AMPH: variants seen among roughly 807,000 people sequenced by gnomAD.
The protein encoded by AMPH is amphiphysin.
Under a neutral mutation model 99.1 loss-of-function variants are expected in AMPH, and 49 were observed. That is an observed-to-expected ratio of 0.49 (90% CI 0.39 to 0.63). The LOEUF is 0.63. Ranked by LOEUF, AMPH falls within the 20% of genes least tolerant of loss-of-function variation. AMPH has a pLI of 0.00. For synonymous variants in AMPH, 314 were observed against 317.3 expected, an observed-to-expected ratio of 0.99 and a Z score of 0.11; for missense variants, 759 against 863.4, an observed-to-expected ratio of 0.88 and a Z score of 1.52.
intron 11 of AMPH, among the ~76,000 whole-genome samples, chr7:38,450,598 G>A (rs184802224): frequency 6.6e-6 from 1 of 152,254 alleles, no homozygotes; most frequent in Admixed American, 6.5e-5. Context: ...GGAACTCTAG[G>A]GCTCCTATCC....
Position 38,384,932 on chromosome 7 carries a change from A to C in AMPH, c.1981-7T>G. The C allele has an allele frequency of 6.2e-7, 1 of 1,612,644 alleles. No homozygotes were observed. The highest frequency in any genetic ancestry group is 8.5e-7 in the Non-Finnish European group (1 of 1,178,848). On this transcript the variant is annotated splice_polypyrimidine_tract_variant and splice_region_variant and intron_variant, in intron 20 of 20. Transcript: ENST00000356264. The stretch of plus-strand genomic sequence containing the variant: ...CCACCAGCCAGCCTGCATCCTGAAA[A>C]ACAATGACAGAACTTTCAGGGTCCA...
At chr7:38,483,791 A>C (rs769466937) in intron 5 of AMPH, among the ~76,000 whole-genome samples, 6 of 152,208 alleles carry the variant, frequency 3.9e-5, no homozygotes, top group Admixed American at 6.5e-5. Context: ...ACAAAGAAAC[A>C]AAATAAATTT....
In AMPH at chr7:38,475,428, A is replaced by C. The variant is rs374641952; in HGVS notation, c.505-12T>G. 1 of 1,594,330 alleles carries C rather than the reference A, an allele frequency of 6.3e-7. No individual in the cohort carries two copies. The highest frequency in any genetic ancestry group is 1.3e-5 in the African/African-American group (1 of 74,534). On this transcript the variant is annotated splice_polypyrimidine_tract_variant and intron_variant, in intron 6 of 20. Coordinates refer to ENST00000356264, the MANE Select transcript of AMPH (RefSeq NM_001635.4). ...AATTCTTCTTCTGCCTAGGAATGAA[A>C]CATAACATGTGTTTACACTAAGAAA...
chr7:38,593,844 G>A (rs575431630), intron 1 of AMPH, among the ~76,000 whole-genome samples: 3 of 152,214 alleles, frequency 2.0e-5, no homozygotes, highest in Non-Finnish European at 4.4e-5. Flanking sequence ...AAGGCTCAGG[G>A]TATAAGAAGG....
chr7:38,620,643 CT>C (rs1220067324), intron 1 of AMPH, among the ~76,000 whole-genome samples: 1 of 151,374 alleles, frequency 6.6e-6, no homozygotes, highest in Non-Finnish European at 1.5e-5. Flanking sequence ...GCAATTAAGA[CT>C]TTTAAAGACA....
chr7:38,490,974 AT>A, intron 5 of AMPH, 75 bp downstream of exon 5: 1 of 927,076 alleles, frequency 1.1e-6, no homozygotes, highest in Non-Finnish European at 1.7e-6. Flanking sequence ...ACTTGTAATA[AT>A]TCTTCTCTTG....
At chr7:38,442,353 A>G (rs1278056440) in intron 11 of AMPH, among the ~76,000 whole-genome samples, 2 of 152,152 alleles carry the variant, frequency 1.3e-5, no homozygotes, top group African/African-American at 4.8e-5. Context: ...AGTGAGATAC[A>G]GCCTTCCTCC....
At chr7:38,567,894 T>C (rs923911645) in intron 1 of AMPH, among the ~76,000 whole-genome samples, 1 of 152,204 alleles carries the variant, frequency 6.6e-6, no homozygotes, top group African/African-American at 2.4e-5. Flanking sequence ...TGATAGCACT[T>C]AAAATTAATA....
At chr7:38,593,833 T>C (rs1036711243) in intron 1 of AMPH, among the ~76,000 whole-genome samples, 34 of 151,992 alleles carry the variant, frequency 2.2e-4, no homozygotes, top group African/African-American at 8.0e-4. Flanking sequence ...GAGATGATAG[T>C]AAGGCTCAGG....
At chr7:38,476,730 CA>C in intron 6 of AMPH, 131 bp downstream of exon 6, 3 of 604,388 alleles carry the variant, frequency 5.0e-6, no homozygotes, top group South Asian at 4.6e-5. Context: ...TAATAAAAAG[CA>C]CTATGTTTCA....
At chr7:38,415,802 G>A (rs1320641982) in intron 17 of AMPH, among the ~76,000 whole-genome samples, 3 of 151,922 alleles carry the variant, frequency 2.0e-5, no homozygotes, top group African/African-American at 7.3e-5. Context: ...TGTGGAAAGC[G>A]TGGATCACAC....
At chr7:38,543,423 T>C (rs1229295881) in intron 1 of AMPH, among the ~76,000 whole-genome samples, 2 of 152,150 alleles carry the variant, frequency 1.3e-5, no homozygotes, top group African/African-American at 2.4e-5. Flanking sequence ...ATGAAACAGA[T>C]GAAGCAGATA....
chr7:38,514,473 T>C (rs1300538318), intron 2 of AMPH, among the ~76,000 whole-genome samples: 6 of 152,244 alleles, frequency 3.9e-5, no homozygotes, highest in Non-Finnish European at 4.4e-5. Flanking sequence ...GTATATGCTA[T>C]GGTTTCAATG....
chr7:38,392,877 CCA>C (rs1242627895), intron 18 of AMPH, among the ~76,000 whole-genome samples: 1 of 152,214 alleles, frequency 6.6e-6, no homozygotes, highest in Non-Finnish European at 1.5e-5. Context: ...CATTCCAGCC[CCA>C]CACTGCTGTG....
rs36077157 is a variant in AMPH, at chr7:38,587,012, T to TACACAC, written c.69+44265_69+44270dup. Among the ~76,000 whole-genome samples the TACACAC allele has an allele frequency of 4.2e-4, 63 of 149,576 alleles. No individual in the cohort carries two copies. The South Asian group carries it at 0.012, about 27-fold the overall frequency. On this transcript the variant is annotated intron_variant, in intron 1 of 20. Transcript: ENST00000356264. The stretch of plus-strand genomic sequence containing the variant: ...ACCCAAATATTAGGAATTGTGTAAA[T>TACACAC]ACACACACACACACACACACACACA...
At chr7:38,534,195 C>G (rs73692755) in intron 2 of AMPH, among the ~76,000 whole-genome samples, 12,300 of 152,088 alleles carry the variant, frequency 0.081, 795 homozygotes, top group East Asian at 0.31. Context: ...CTTCACCCAC[C>G]AAGAACCAAT....
At chr7:38,548,819 C>T (rs756951616) in intron 1 of AMPH, among the ~76,000 whole-genome samples, 3 of 152,152 alleles carry the variant, frequency 2.0e-5, no homozygotes, top group African/African-American at 4.8e-5. Flanking sequence ...CTAGGTGTGC[C>T]GTTTGCATAG....
chr7:38,412,351 T>C (rs1183503208), intron 17 of AMPH, among the ~76,000 whole-genome samples: 1 of 152,220 alleles, frequency 6.6e-6, no homozygotes, highest in Non-Finnish European at 1.5e-5. Context: ...CTTGAGTTCA[T>C]GTTCACATAG....
At chr7:38,508,557 C>G (rs773563382) in intron 2 of AMPH, among the ~76,000 whole-genome samples, 2 of 152,154 alleles carry the variant, frequency 1.3e-5, no homozygotes, top group Non-Finnish European at 2.9e-5. Flanking sequence ...TTGAAAAGGG[C>G]TCAGGTGGAA....
Sources: allele counts gnomAD v4.1 joint callset (sites outside exome capture counted in the v4.1 genomes callset), GRCh38; gene constraint gnomAD v4.1.1; transcripts MANE v1.5; gene names NCBI Gene and HGNC (gene_info 2026-07-23, HGNC 2026-07-21).